Variants in FANCD2 observed in about 807,000 individuals in gnomAD.
FANCD2 encodes the protein Fanconi anemia group D2 protein.
A neutral mutation model predicts 192.3 loss-of-function variants in FANCD2; 131 were observed. That is an observed-to-expected ratio of 0.68 (90% CI 0.59 to 0.79). The LOEUF is 0.79. FANCD2 is among the 30% of genes least tolerant of loss of function. FANCD2 has a pLI of 0.00. For synonymous variants in FANCD2, 524 were observed against 612.5 expected, an observed-to-expected ratio of 0.86 and a Z score of 2.13; for missense variants, 1,508 against 1,701.6, an observed-to-expected ratio of 0.89 and a Z score of 2.00.
rs7615646 is a variant in FANCD2, at chr3:10,048,089, A to C, written c.1413+38A>C. The C allele has an allele frequency of 0.12, 182,881 of 1,556,388 alleles. 3,047 individuals carry two copies. The highest frequency in any genetic ancestry group is 0.18 in the African/African-American group (13,420 of 73,514). On this transcript the variant is annotated intron_variant, in intron 16 of 43. Coordinates refer to ENST00000675286, the MANE Select transcript of FANCD2 (RefSeq NM_001018115.3). ...ATTTATTTTGGCAAGGAGGGAACAC[A>C]GAAAGGGAAAATAATCTGATGTTTA...
At chr3:10,054,369 G>A (rs149587682) in intron 18 of FANCD2, among the ~76,000 whole-genome samples, 1,424 of 77,798 alleles carry the variant, frequency 0.018, 40 homozygotes, top group African/African-American at 0.089. Flanking sequence ...ATATATATAC[G>A]TGTATATACA....
chr3:10,085,779 C>T, intron 32 of FANCD2, 33 bp from the exon 33 acceptor site: 6 of 1,413,514 alleles, frequency 4.2e-6, no homozygotes, highest in Non-Finnish European at 6.0e-6. Context: ...TTTCCAGAAA[C>T]TAAGCTAACC....
intron 16 of FANCD2, 45 bp downstream of exon 16, chr3:10,048,096 G>A (rs760178197): frequency 6.2e-7 from 1 of 1,612,876 alleles, no homozygotes; most frequent in Non-Finnish European, 8.5e-7. Flanking sequence ...CACAGAAAGG[G>A]AAAATAATCT....
At chr3:10,068,241 A>G (rs546272652) in intron 26 of FANCD2, among the ~76,000 whole-genome samples, 3 of 152,314 alleles carry the variant, frequency 2.0e-5, no homozygotes, top group South Asian at 4.1e-4. Context: ...TATTTGGAAA[A>G]GCCTAAAGAC....
chr3:10,028,854 A>G, intron 2 of FANCD2, 133 bp downstream of exon 2: 7 of 845,680 alleles, frequency 8.3e-6, no homozygotes, highest in Non-Finnish European at 1.4e-5. Flanking sequence ...ATTAAGGGAG[A>G]AATATCAGAT....
chr3:10,059,792 C>T (rs1359410690), intron 18 of FANCD2, among the ~76,000 whole-genome samples: 3 of 149,280 alleles, frequency 2.0e-5, no homozygotes, highest in South Asian at 2.1e-4. Flanking sequence ...GGTGACAGAG[C>T]GAGACTCCTT....
chr3:10,035,781 A>G (rs2086713161), intron 6 of FANCD2, among the ~76,000 whole-genome samples: 1 of 152,178 alleles, frequency 6.6e-6, no homozygotes, highest in Non-Finnish European at 1.5e-5. Context: ...TAATTTAGTT[A>G]TTTTAAGTCT....
At chr3:10,041,754 C>A (rs990585760) in intron 10 of FANCD2, 44 bp downstream of exon 10, 1 of 1,340,280 alleles carries the variant, frequency 7.5e-7, no homozygotes, top group Non-Finnish European at 1.1e-6. Context: ...AGCTTTCCAA[C>A]CTCCCAGAAC....
Position 10,043,542 on chromosome 3 carries a change from A to C in FANCD2, c.1048A>C (p.Ile350Leu). Residue 350 changes from isoleucine to leucine, a missense_variant, in exon 13 of 44, where the codon ATA (isoleucine) becomes CTA (leucine). By Grantham distance (5) the Ile-to-Leu change is conservative. Coordinates refer to ENST00000675286, the MANE Select transcript of FANCD2 (RefSeq NM_001018115.3). ...QSCIILLFDV[I>L]KSAIRYEKTI... The stretch of plus-strand genomic sequence containing the variant: ...CTGTATTATTCTCCTCTTTGATGTA[A>C]TAAAGTCAGCTATTAGATATGAGAA... 1 of 1,613,940 alleles carries C rather than the reference A, an allele frequency of 6.2e-7. No individual in the cohort carries two copies. Among genetic ancestry groups the C allele is most frequent in the Non-Finnish European group, 8.5e-7 (1 of 1,179,816 alleles).
intron 18 of FANCD2, among the ~76,000 whole-genome samples, chr3:10,057,245 A>G (rs1341139824): frequency 3.3e-5 from 5 of 152,078 alleles, no homozygotes; most frequent in Non-Finnish European, 7.4e-5. Context: ...CAGATATATG[A>G]TTTGCAAATA....
At chr3:10,032,287 T>G (rs2086621839) in intron 2 of FANCD2, 1 of 404,406 alleles carries the variant, frequency 2.5e-6, no homozygotes, top group Non-Finnish European at 4.8e-6. Context: ...TTGTTTGAAT[T>G]TATTTTTTTA....
intron 7 of FANCD2, among the ~76,000 whole-genome samples, chr3:10,038,453 G>A (rs531787901): frequency 4.6e-5 from 7 of 152,224 alleles, no homozygotes; most frequent in Admixed American, 4.6e-4. Flanking sequence ...TCGAAGGAAG[G>A]TGGAAACTAT....
Position 10,035,189 on chromosome 3 carries a change from T to G in FANCD2, c.394T>G (p.Ser132Ala). The change falls in exon 6 of 44, where the codon TCT (serine) becomes GCT (alanine). Residue 132 changes from serine to alanine, a missense_variant. Transcript: ENST00000675286. ...DEEASMGASYSKSLIKLLLGI... is the reference protein window; with the variant it reads ...DEEASMGASYAKSLIKLLLGI... ...TTTTTACAGTATGGGTGCATCTTAT[T>G]CTAAGAGTCTCATCAAACTGCTTCT... 1 of 1,613,656 alleles carries G rather than the reference T, an allele frequency of 6.2e-7. No individual in the cohort carries two copies. The highest frequency in any genetic ancestry group is 8.5e-7 in the Non-Finnish European group (1 of 1,179,742).
Position 10,081,138 on chromosome 3 carries a change from A to G in FANCD2, c.3015A>G (p.Gln1005=), listed in dbSNP as rs1294701704. 7.4e-6 allele frequency: 12 copies of G among 1,614,004 alleles called. No homozygotes were observed. Among genetic ancestry groups the G allele is most frequent in the Non-Finnish European group, 1.0e-5 (12 of 1,179,988 alleles). Residue 1005 remains glutamine, a synonymous_variant, in exon 31 of 44, where the codon CAA becomes CAG. Coordinates refer to ENST00000675286, the MANE Select transcript of FANCD2 (RefSeq NM_001018115.3). ...GGAATATTGGATTCTCACATCTCCAACAGAGATCTGCCCAAGAAATTGTTC... is the reference window on the plus strand; with the variant it reads ...GGAATATTGGATTCTCACATCTCCAGCAGAGATCTGCCCAAGAAATTGTTC... ...GSRNIGFSHL[Q]QRSAQEIVHC...
intron 22 of FANCD2, 44 bp from the exon 23 acceptor site, chr3:10,064,685 C>A (rs377144926): frequency 1.4e-5 from 23 of 1,606,410 alleles, no homozygotes; most frequent in Non-Finnish European, 2.0e-5. Context: ...TGTAGCCTTG[C>A]GTATTCCTGA....
intron 29 of FANCD2, 76 bp downstream of exon 29, chr3:10,074,749 A>G (rs1414597677): frequency 1.4e-6 from 2 of 1,403,746 alleles, no homozygotes; most frequent in Admixed American, 1.7e-5. Flanking sequence ...TTTCACAAAG[A>G]ACACTGTGAC....
rs763010610 is a variant in FANCD2, at chr3:10,096,292, TCA to T, written c.4039-31_4039-30del. 21 of 1,611,744 alleles carry T rather than the reference TCA, an allele frequency of 1.3e-5. No homozygotes were observed. The East Asian group carries it at 4.5e-4, about 34-fold the overall frequency. ...GAAATGTGAAGGCATGATGATAAAC[TCA>T]CAAAAGATGGATGTTATTTATTTCC... On this transcript the variant is annotated intron_variant, in intron 41 of 43. Coordinates refer to ENST00000675286, the MANE Select transcript of FANCD2 (RefSeq NM_001018115.3).
rs1384944911 is a variant in FANCD2, at chr3:10,101,752, C to G, written c.*490C>G. The G allele has an allele frequency of 4.7e-6, 1 of 214,884 alleles. No homozygotes were observed. The highest frequency in any genetic ancestry group is 5.2e-5 in the Admixed American group (1 of 19,116). 13.3% of individuals were successfully genotyped at this position (214,884 alleles called of 1,614,324 possible). On this transcript the variant is annotated 3_prime_UTR_variant, in exon 44 of 44. Coordinates refer to ENST00000675286, the MANE Select transcript of FANCD2 (RefSeq NM_001018115.3). ...ATGGATTGTCTAACACCATCACAGTCCCTGGCTCAGGATTCTAATGTAGCA... is the reference window on the plus strand; with the variant it reads ...ATGGATTGTCTAACACCATCACAGTGCCTGGCTCAGGATTCTAATGTAGCA...
intron 32 of FANCD2, among the ~76,000 whole-genome samples, chr3:10,085,516 G>T (rs1694136025): frequency 2.6e-5 from 4 of 151,116 alleles, no homozygotes; most frequent in Non-Finnish European, 5.9e-5. Flanking sequence ...CTCAGCCTCT[G>T]GAGTAGCTGG....
Sources: gnomAD v4.1 joint callset for allele counts (sites outside exome capture counted in the v4.1 genomes callset) on GRCh38, gnomAD v4.1.1 for gene constraint, MANE v1.5 for transcripts, NCBI Gene and HGNC (gene_info 2026-07-23, HGNC 2026-07-21) for gene names.